ZNF362: variants seen among roughly 807,000 people sequenced by gnomAD.
ZNF362 encodes the protein rotund homolog.
ZNF362 carries 11 observed loss-of-function variants against 42.9 expected under a neutral mutation model. That is an observed-to-expected ratio of 0.26 (90% CI 0.16 to 0.42). ZNF362 has a LOEUF of 0.42. Among genes scored for constraint, ZNF362 ranks in the 20% least tolerant of loss-of-function variants. The pLI, the probability that ZNF362 is intolerant of heterozygous loss-of-function variation, is 1.00. For synonymous variants in ZNF362, 255 were observed against 257.3 expected, an observed-to-expected ratio of 0.99 and a Z score of 0.09; for missense variants, 362 against 576.2, an observed-to-expected ratio of 0.63 and a Z score of 3.81.
At chr1:33,174,945 G>GTATATATA in the ZNF362 span, among the ~76,000 whole-genome samples, 36 of 141,748 alleles carry the variant, frequency 2.5e-4, no homozygotes, top group East Asian at 6.4e-3. Flanking sequence ...ATATATGTGT[G>GTATATATA]TATATATATA....
chr1:33,203,589 A>C, the ZNF362 span, among the ~76,000 whole-genome samples: 1 of 152,150 alleles, frequency 6.6e-6, no homozygotes, highest in African/African-American at 2.4e-5. Context: ...CATTCCCACC[A>C]ACAGTGTACA....
intron 1 of ZNF362, among the ~76,000 whole-genome samples, chr1:33,267,823 T>C (rs1374862851): frequency 1.3e-5 from 2 of 152,232 alleles, no homozygotes; most frequent in African/African-American, 4.8e-5. Flanking sequence ...CAAACAGCTT[T>C]GTACATATAA....
At chr1:33,256,777 C>G (rs988153455) in intron 1 of ZNF362, 123 bp downstream of exon 1, 2 of 145,562 alleles carry the variant, frequency 1.4e-5, no homozygotes, top group Non-Finnish European at 3.1e-5. Flanking sequence ...CAGCGCGGGC[C>G]GGGGCGCTCC....
chr1:33,281,938 C>G lies in ZNF362; in HGVS notation c.908+127C>G, dbSNP rs189365180. On this transcript the variant is annotated intron_variant, in intron 6 of 8. Transcript: ENST00000539719. The surrounding 1 kb of genome is among the most constrained non-coding windows in gnomAD (Gnocchi z 4.8). The stretch of plus-strand genomic sequence containing the variant: ...TGCCCATTGCCCTCGGGGTCACGGC[C>G]CTTGTGGACCTCACTGGCCTCAGCT... 1.1e-6 allele frequency: 1 copy of G among 877,450 alleles called. No individual in the cohort carries two copies. The highest frequency in any genetic ancestry group is 2.6e-5 in the East Asian group (1 of 38,716). 54.4% of individuals were successfully genotyped at this position (877,450 alleles called of 1,614,324 possible). A position where few individuals can be genotyped will look rare whatever the true frequency, so the allele number is the denominator to read the frequency against.
the ZNF362 span, chr1:33,181,521 G>A: frequency 1.4e-6 from 2 of 1,456,126 alleles, no homozygotes; most frequent in African/African-American, 1.5e-5. This position sits in a 1 kb window ranked among gnomAD's most constrained non-coding sequence, Gnocchi z 6.5. Context: ...CGAGGGCTGG[G>A]CGCGGGGACG....
chr1:33,181,654 C>G, the ZNF362 span: 1 of 786,938 alleles, frequency 1.3e-6, no homozygotes, highest in Non-Finnish European at 1.9e-6. This position sits in a 1 kb window ranked among gnomAD's most constrained non-coding sequence, Gnocchi z 6.5. Flanking sequence ...GGAGGGCAGT[C>G]TAGAGGTAGT....
the ZNF362 span, among the ~76,000 whole-genome samples, chr1:33,240,308 G>A: frequency 6.6e-6 from 1 of 152,150 alleles, no homozygotes; most frequent in African/African-American, 2.4e-5. Flanking sequence ...GCAGCGAGTC[G>A]CGCTTTTTAA....
At chr1:33,169,057 CAT>C in the ZNF362 span, among the ~76,000 whole-genome samples, 13 of 152,186 alleles carry the variant, frequency 8.5e-5, no homozygotes, top group Non-Finnish European at 1.8e-4. Flanking sequence ...ATTCCACAAA[CAT>C]GTGTTGAGAC....
the ZNF362 span, among the ~76,000 whole-genome samples, chr1:33,166,964 C>A: frequency 2.6e-5 from 4 of 152,144 alleles, no homozygotes; most frequent in African/African-American, 9.7e-5. Context: ...GTTTGGGGCA[C>A]CCTCTGATCC....
chr1:33,199,323 ATT>A, the ZNF362 span, among the ~76,000 whole-genome samples: 2 of 152,032 alleles, frequency 1.3e-5, no homozygotes, highest in Non-Finnish European at 2.9e-5. Context: ...ATGACAGTAG[ATT>A]TTTTTTTATT....
At chr1:33,190,824 C>T in the ZNF362 span, among the ~76,000 whole-genome samples, 15 of 152,320 alleles carry the variant, frequency 9.8e-5, no homozygotes, top group African/African-American at 1.9e-4. Flanking sequence ...GAATTGATGT[C>T]GCAGCATCAG....
chr1:33,202,263 C>T, the ZNF362 span, among the ~76,000 whole-genome samples: 12 of 152,268 alleles, frequency 7.9e-5, no homozygotes, highest in East Asian at 2.1e-3. Context: ...CCAATTCATC[C>T]TATAAAACCA....
At chr1:33,211,684 A>G in the ZNF362 span, among the ~76,000 whole-genome samples, 30 of 144,192 alleles carry the variant, frequency 2.1e-4, no homozygotes, top group Middle Eastern at 3.5e-3. Context: ...CTTCATTTCA[A>G]CCTTGGTGAA....
chr1:33,299,129 C>G lies in ZNF362; in HGVS notation c.*83C>G. 2.9e-6 allele frequency: 3 copies of G among 1,020,188 alleles called. No homozygotes were observed. The highest frequency in any genetic ancestry group is 3.0e-6 in the Non-Finnish European group (2 of 666,570). 63.2% of individuals were successfully genotyped at this position (1,020,188 alleles called of 1,614,324 possible). ...CAGGCCCCAGCTCCCTCCGGGGGCCCTCCAGGAACCACCAAGCTCTCTCAC... is the reference window on the plus strand; with the variant it reads ...CAGGCCCCAGCTCCCTCCGGGGGCCGTCCAGGAACCACCAAGCTCTCTCAC... On this transcript the variant is annotated 3_prime_UTR_variant, in exon 9 of 9. Transcript: ENST00000539719.
chr1:33,267,719 C>A (rs900309413), intron 1 of ZNF362, among the ~76,000 whole-genome samples: 1 of 152,210 alleles, frequency 6.6e-6, no homozygotes, highest in Non-Finnish European at 1.5e-5. Context: ...TTATTAACGA[C>A]CATAGACTAT....
chr1:33,193,235 T>G, the ZNF362 span, among the ~76,000 whole-genome samples: 1 of 152,164 alleles, frequency 6.6e-6, no homozygotes, highest in Admixed American at 6.5e-5. Flanking sequence ...GTAATCACAA[T>G]CTGCATTAGT....
At chr1:33,277,172 G>A (rs896877390) in intron 4 of ZNF362, among the ~76,000 whole-genome samples, 1 of 152,258 alleles carries the variant, frequency 6.6e-6, no homozygotes, top group Non-Finnish European at 1.5e-5. Context: ...CAGCCTGTGA[G>A]GTGTGTGCTG....
intron 6 of ZNF362, among the ~76,000 whole-genome samples, chr1:33,288,319 A>G (rs950016727): frequency 6.6e-6 from 1 of 152,180 alleles, no homozygotes; most frequent in Non-Finnish European, 1.5e-5. Flanking sequence ...TGGGGATGGC[A>G]GTGCCAGGCA....
chr1:33,294,875 G>T lies in ZNF362; in HGVS notation c.909-62G>T. 1 of 1,587,402 alleles carries T rather than the reference G, an allele frequency of 6.3e-7. No individual in the cohort carries two copies. Among genetic ancestry groups the T allele is most frequent in the Non-Finnish European group, 8.6e-7 (1 of 1,156,612 alleles). Reference sequence around the variant, plus strand: ...CTTAGGGGCCAGAGTAAGGACTTGGGAACTGGAGCGGTCTTGGGGTGTGTG... The same window carrying T: ...CTTAGGGGCCAGAGTAAGGACTTGGTAACTGGAGCGGTCTTGGGGTGTGTG... On this transcript the variant is annotated intron_variant, in intron 6 of 8. Coordinates refer to ENST00000539719, the MANE Select transcript of ZNF362 (RefSeq NM_152493.3). The surrounding 1 kb of genome is among the most constrained non-coding windows in gnomAD (Gnocchi z 4.2).
Sources: allele counts gnomAD v4.1 joint callset (sites outside exome capture counted in the v4.1 genomes callset), GRCh38; gene constraint gnomAD v4.1.1; non-coding constraint Gnocchi (gnomAD v3.1); transcripts MANE v1.5; gene names NCBI Gene and HGNC (gene_info 2026-07-23, HGNC 2026-07-21).